Variants in TUT7 observed in about 807,000 individuals in gnomAD.
TUT7 encodes the protein terminal uridylyl transferase 7, also known as terminal uridylyltransferase 7.
A neutral mutation model predicts 165.9 loss-of-function variants in TUT7; 33 were observed. The observed-to-expected ratio is 0.20, with a 90% CI of 0.15 to 0.27. TUT7 has a LOEUF of 0.27. Ranked by LOEUF, TUT7 falls within the 10% of genes least tolerant of loss-of-function variation. The pLI is 1.00. For missense variants in TUT7, 1,338 were observed against 1,762.3 expected (o/e 0.76, Z 4.31); for synonymous variants, 552 against 608.1 (o/e 0.91, Z 1.36).
In TUT7 at chr9:86,309,626, C is replaced by T. The variant is rs770054427; in HGVS notation, c.3469-50G>A. The T allele has an allele frequency of 5.7e-6, 8 of 1,409,674 alleles. No individual in the cohort carries two copies. The South Asian group carries it at 7.3e-5, about 13-fold the overall frequency. 87.3% of individuals were successfully genotyped at this position (1,409,674 alleles called of 1,614,324 possible). Reference sequence around the variant, plus strand: ...AAAGGAAAGGTCTGTTTTCTGCTAACTTTGCATCCATTCTGTTATCACTAA... The same window carrying T: ...AAAGGAAAGGTCTGTTTTCTGCTAATTTTGCATCCATTCTGTTATCACTAA... On this transcript the variant is annotated intron_variant, in intron 19 of 26. Coordinates refer to ENST00000375963, the MANE Select transcript of TUT7 (RefSeq NM_024617.4).
chr9:86,303,112 G>T lies in TUT7; in HGVS notation c.4068C>A (p.Phe1356Leu). ...TTCTCCTCATAGGACAGTCCTTCAT[G>T]AAGTGTCCGATTTTTCCACAAATTC... is the stretch of plus-strand genomic sequence containing the variant. ...CCRICGKIGH[F>L]MKDCPMRRKV... The change falls in exon 25 of 27, where the codon TTC becomes TTA. Residue 1356 changes from phenylalanine (F) to leucine (L), a missense_variant. This residue lies in a region of TUT7 where 167 missense variants were observed against 204.9 expected (regional missense o/e 0.82). Transcript: ENST00000375963. 1 of 1,606,974 alleles carries T rather than the reference G, an allele frequency of 6.2e-7. No individual in the cohort carries two copies. Among genetic ancestry groups the T allele is most frequent in the Non-Finnish European group, 8.5e-7 (1 of 1,175,418 alleles).
chr9:86,293,104 T>C (rs1269493233), intron 26 of TUT7, among the ~76,000 whole-genome samples: 2 of 152,162 alleles, frequency 1.3e-5, no homozygotes, highest in Non-Finnish European at 2.9e-5. Context: ...GTTGGCTAGA[T>C]CACACTATTA....
chr9:86,348,149 C>T (rs1344646925), intron 2 of TUT7, among the ~76,000 whole-genome samples: 1 of 152,138 alleles, frequency 6.6e-6, no homozygotes. Context: ...CTCCATATAA[C>T]CATATTTGCT....
At chr9:86,343,050 T>C in intron 6 of TUT7, 25 bp downstream of exon 6, 1 of 1,445,616 alleles carries the variant, frequency 6.9e-7, no homozygotes, top group African/African-American at 1.4e-5. Context: ...ACTCTGAAAG[T>C]GCCAGCATTT....
chr9:86,327,295 G>A (rs1312271570), intron 11 of TUT7, among the ~76,000 whole-genome samples: 1 of 152,114 alleles, frequency 6.6e-6, no homozygotes, highest in East Asian at 1.9e-4. Flanking sequence ...AACTTAAACT[G>A]GTTTTCTTTA....
chr9:86,328,868 A>G (rs532470435), intron 10 of TUT7, among the ~76,000 whole-genome samples: 9 of 152,148 alleles, frequency 5.9e-5, no homozygotes, highest in Non-Finnish European at 1.0e-4. Context: ...GTTCCTTTAA[A>G]AAGGGGTAAC....
chr9:86,305,087 G>A (rs1426367507), intron 23 of TUT7, 105 bp downstream of exon 23: 2 of 1,261,214 alleles, frequency 1.6e-6, no homozygotes, highest in Admixed American at 2.4e-5. Context: ...CTTGAGCCCA[G>A]GAGTTTGAGA....
Position 86,345,050 on chromosome 9 carries a change from T to C in TUT7, c.924A>G (p.Leu308=). ...GCCTCTGTTCCAAGTTCTCATTGTG[T>C]AAGCCAAATTCCTGTACCACTTTGT... The part of the protein sequence containing the change: ...AIDKVVQEFG[L]HNENLEQRLE... Residue 308 remains leucine (L), a synonymous_variant, in exon 5 of 27, where the codon TTA becomes TTG. Transcript: ENST00000375963. 6.2e-7 allele frequency: 1 copy of C among 1,613,932 alleles called. No homozygotes were observed. The highest frequency in any genetic ancestry group is 8.5e-7 in the Non-Finnish European group (1 of 1,179,938).
intron 17 of TUT7, among the ~76,000 whole-genome samples, chr9:86,314,239 T>C (rs960445935): frequency 1.3e-5 from 2 of 152,164 alleles, no homozygotes; most frequent in African/African-American, 2.4e-5. Flanking sequence ...ATCCTTCCCA[T>C]TCTGGAATTT....
chr9:86,319,139 A>G, intron 15 of TUT7, 81 bp from the exon 16 acceptor site: 2 of 881,268 alleles, frequency 2.3e-6, no homozygotes, highest in South Asian at 1.6e-5. Context: ...TCATGAATCA[A>G]AAACACCCAG....
At position 86,353,148 on chromosome 9, in the gene TUT7, T is replaced by A. The variant is rs143304464; in HGVS notation, c.52A>T (p.Thr18Ser). The part of the protein sequence containing the change: ...YFVKRTKDRG[T>S]MDDDDFRRGH... ...CTTCTGAAGTCATCATCATCCATAG[T>A]CCCCCGGTCTTTAGTGCGCTTCACG... Residue 18 changes from threonine (T) to serine (S), a missense_variant, in exon 2 of 27, where the codon ACT becomes TCT. Transcript: ENST00000375963. The A allele has an allele frequency of 1.5e-3, 2,344 of 1,607,158 alleles. 39 individuals carry two copies. The African/African-American group carries it at 0.028, about 19-fold the overall frequency.
chr9:86,293,357 T>C (rs548029473), intron 26 of TUT7, among the ~76,000 whole-genome samples: 3 of 152,024 alleles, frequency 2.0e-5, no homozygotes, highest in Non-Finnish European at 2.9e-5. Context: ...GAGACTGAGA[T>C]GGGAGGATCG....
intron 7 of TUT7, 127 bp downstream of exon 7, chr9:86,340,875 T>A (rs1831265761): frequency 1.5e-6 from 1 of 680,404 alleles, no homozygotes; most frequent in Non-Finnish European, 2.5e-6. Context: ...TCATGGGCAT[T>A]TGCTTTGGAT....
intron 16 of TUT7, among the ~76,000 whole-genome samples, chr9:86,318,550 GT>G (rs1828946500): frequency 6.6e-6 from 1 of 152,158 alleles, no homozygotes; most frequent in Non-Finnish European, 1.5e-5. Context: ...GATGAAACAA[GT>G]TTGTCTCAAA....
chr9:86,323,216 T>C lies in TUT7; in HGVS notation c.2534A>G (p.Asp845Gly). The C allele has an allele frequency of 6.2e-7, 1 of 1,614,116 alleles. No homozygotes were observed. Among genetic ancestry groups the C allele is most frequent in the Non-Finnish European group, 8.5e-7 (1 of 1,180,024 alleles). The change falls in exon 13 of 27, where the codon GAT becomes GGT. Residue 845 changes from aspartate to glycine, a missense_variant. Transcript: ENST00000375963. ...QGQTSEMIPS[D>G]EEEEDDEEEE... ...TTCTTCGTCGTCCTCCTCCTCTTCA[T>C]CAGAGGGAATCATTTCTGATGTCTG... is the stretch of plus-strand genomic sequence containing the variant.
At chr9:86,304,450 A>G (rs1827261943) in intron 24 of TUT7, among the ~76,000 whole-genome samples, 1 of 152,220 alleles carries the variant, frequency 6.6e-6, no homozygotes, top group African/African-American at 2.4e-5. Context: ...TTAACCCCCT[A>G]GTCCCAGCAA....
Position 86,308,580 on chromosome 9 carries a change from T to C in TUT7, c.3687A>G (p.Lys1229=). 1 of 1,613,502 alleles carries C rather than the reference T, an allele frequency of 6.2e-7. No individual in the cohort carries two copies. Among genetic ancestry groups the C allele is most frequent in the Non-Finnish European group, 8.5e-7 (1 of 1,179,802 alleles). Residue 1229 remains lysine (K), a synonymous_variant, in exon 22 of 27, where the codon AAA becomes AAG. Coordinates refer to ENST00000375963, the MANE Select transcript of TUT7 (RefSeq NM_024617.4). ...ATAACTGCCCAACAGATTCTGTATTTTTTCCACATTCTGACCAATAGGTAG... is the reference window on the plus strand; with the variant it reads ...ATAACTGCCCAACAGATTCTGTATTCTTTCCACATTCTGACCAATAGGTAG... ...ELPTYWSECG[K]NTESVGQLWL...
intron 26 of TUT7, among the ~76,000 whole-genome samples, chr9:86,289,577 A>G (rs901637960): frequency 1.3e-5 from 2 of 152,164 alleles, no homozygotes; most frequent in African/African-American, 4.8e-5. Context: ...GTAATCCTGT[A>G]GGTAATCCTG....
chr9:86,306,276 A>G (rs1459357343), intron 22 of TUT7, among the ~76,000 whole-genome samples: 1 of 152,214 alleles, frequency 6.6e-6, no homozygotes, highest in African/African-American at 2.4e-5. Flanking sequence ...TCCACTTGCC[A>G]GGTATGCTTC....
Sources: allele counts gnomAD v4.1 joint callset (sites outside exome capture counted in the v4.1 genomes callset), GRCh38; gene constraint gnomAD v4.1.1; regional missense constraint gnomAD v4.1.1; transcripts MANE v1.5; gene names NCBI Gene and HGNC (gene_info 2026-07-23, HGNC 2026-07-21).